IRF2: variants seen among roughly 807,000 people sequenced by gnomAD.
IRF2 encodes interferon regulatory factor 2.
IRF2 carries 15 observed loss-of-function variants against 40.6 expected under a neutral mutation model. The observed-to-expected ratio is 0.37, with a 90% CI of 0.25 to 0.57. The LOEUF is 0.57. Among genes scored for constraint, IRF2 ranks in the 20% least tolerant of loss-of-function variants. The pLI is 0.77. For missense variants in IRF2, 317 were observed against 455.7 expected (o/e 0.70, Z 2.77); for synonymous variants, 151 against 165.5 (o/e 0.91, Z 0.67).
chr4:184,452,314 C>T (rs1289483111), intron 1 of IRF2, among the ~76,000 whole-genome samples: 1 of 152,188 alleles, frequency 6.6e-6, no homozygotes, highest in East Asian at 1.9e-4. Flanking sequence ...CCATAGGCTT[C>T]GGCCCAGGAA....
At chr4:184,456,051 G>T (rs1293091842) in intron 1 of IRF2, among the ~76,000 whole-genome samples, 3 of 152,190 alleles carry the variant, frequency 2.0e-5, no homozygotes, top group African/African-American at 7.2e-5. Flanking sequence ...CTCGAAGCCT[G>T]CCAGGAAGAG....
At chr4:184,389,806 C>T (rs909822817) in intron 8 of IRF2, among the ~76,000 whole-genome samples, 1 of 152,108 alleles carries the variant, frequency 6.6e-6, no homozygotes, top group African/African-American at 2.4e-5. Context: ...TCAACCTGAG[C>T]CAACCTGCAT....
At chr4:184,425,583 G>C (rs565284698) in intron 2 of IRF2, among the ~76,000 whole-genome samples, 1 of 152,370 alleles carries the variant, frequency 6.6e-6, no homozygotes, top group East Asian at 1.9e-4. Flanking sequence ...CATCAGCCTG[G>C]CTCAGGTCCA....
intron 2 of IRF2, among the ~76,000 whole-genome samples, chr4:184,424,443 G>A (rs533417683): frequency 6.6e-6 from 1 of 152,274 alleles, no homozygotes; most frequent in East Asian, 1.9e-4. Context: ...TGAGTCATGA[G>A]GGCCCTGCCC....
intron 1 of IRF2, among the ~76,000 whole-genome samples, chr4:184,456,636 G>T (rs1738946202): frequency 6.6e-6 from 1 of 152,354 alleles, no homozygotes; most frequent in African/African-American, 2.4e-5. Context: ...GGCCCGGTCC[G>T]CCCTCCCTAC....
chr4:184,424,705 T>A (rs1454870439), intron 2 of IRF2, among the ~76,000 whole-genome samples: 1 of 152,200 alleles, frequency 6.6e-6, no homozygotes, highest in Non-Finnish European at 1.5e-5. Context: ...ATTCCTCTTC[T>A]TTACAAATTA....
At chr4:184,407,792 T>C (rs1736912889) in intron 6 of IRF2, among the ~76,000 whole-genome samples, 1 of 152,212 alleles carries the variant, frequency 6.6e-6, no homozygotes, top group Admixed American at 6.5e-5. Flanking sequence ...AAGCAGTTGC[T>C]GAGAGGACTC....
chr4:184,398,421 C>T (rs1736542148), intron 7 of IRF2, among the ~76,000 whole-genome samples: 1 of 152,110 alleles, frequency 6.6e-6, no homozygotes, highest in African/African-American at 2.4e-5. Flanking sequence ...CTTTGGGAGG[C>T]CAAGGTGGGC....
rs753779668 is a variant in IRF2, at chr4:184,418,204, G to A, written c.374C>T (p.Pro125Leu). ...AACTTTGTCTTCTTTTTCTGTCTTTGGTTTCTTTCCTGTGGCAACAAAAAT... is the reference window on the plus strand; with the variant it reads ...AACTTTGTCTTCTTTTTCTGTCTTTAGTTTCTTTCCTGTGGCAACAAAAAT... Reference protein sequence around the residue: ...SERPSKKGKKPKTEKEDKVKH... With the variant: ...SERPSKKGKKLKTEKEDKVKH... Residue 125 changes from proline to leucine, a missense_variant, in exon 5 of 9, where the codon CCA becomes CTA. Coordinates refer to ENST00000393593, the MANE Select transcript of IRF2 (RefSeq NM_002199.4). 3.1e-6 allele frequency: 5 copies of A among 1,613,368 alleles called. No homozygotes were observed. The Admixed American group carries it at 6.7e-5, about 22-fold the overall frequency.
At position 184,413,596 on chromosome 4, in the gene IRF2, G is replaced by A. The variant is rs1250903541; in HGVS notation, c.411+4571C>T. On this transcript the variant is annotated intron_variant, in intron 5 of 8. Transcript: ENST00000393593. The surrounding 1 kb of genome is among the most constrained non-coding windows in gnomAD (Gnocchi z 4.2). ...AACAGCTCTATGAGAAAGAGCAGCC[G>A]AACCCCTATCTGCTTTTCTGTAACT... Among the ~76,000 whole-genome samples, 6 of 152,168 alleles carry A rather than the reference G, an allele frequency of 3.9e-5. No homozygotes were observed. The highest frequency in any genetic ancestry group is 1.9e-4 in the East Asian group (1 of 5,196).
At chr4:184,452,652 T>C (rs2149913554) in intron 1 of IRF2, among the ~76,000 whole-genome samples, 1 of 151,354 alleles carries the variant, frequency 6.6e-6, no homozygotes, top group South Asian at 2.1e-4. Context: ...ACACCTGTAA[T>C]CCCAGCACTT....
intron 7 of IRF2, among the ~76,000 whole-genome samples, chr4:184,397,508 AT>A (rs1299942237): frequency 6.6e-6 from 1 of 151,964 alleles, no homozygotes; most frequent in East Asian, 1.9e-4. Flanking sequence ...ATGTTAATGT[AT>A]TTTACCACAA....
Position 184,408,997 on chromosome 4 carries a change from T to C in IRF2, c.412-722A>G, listed in dbSNP as rs1430664478. ...TTATTGGAGCTCTAAATGTGTGCTT[T>C]TTTTTCAAGTGCACCAGAACCCTCC... is the stretch of plus-strand genomic sequence containing the variant. On this transcript the variant is annotated intron_variant, in intron 5 of 8. Transcript: ENST00000393593. The surrounding 1 kb of genome is among the most constrained non-coding windows in gnomAD (Gnocchi z 4.9). Among the ~76,000 whole-genome samples, 1 of 152,218 alleles carries C rather than the reference T, an allele frequency of 6.6e-6. No homozygotes were observed. Among genetic ancestry groups the C allele is most frequent in the Non-Finnish European group, 1.5e-5 (1 of 68,040 alleles).
At chr4:184,473,533 G>A (rs1296908746) in intron 1 of IRF2, among the ~76,000 whole-genome samples, 1 of 147,798 alleles carries the variant, frequency 6.8e-6, no homozygotes. Flanking sequence ...CCGACCGGGC[G>A]CTGGCCGGCG....
chr4:184,428,384 C>G (rs2149903750), intron 2 of IRF2, among the ~76,000 whole-genome samples: 1 of 152,234 alleles, frequency 6.6e-6, no homozygotes, highest in African/African-American at 2.4e-5. Flanking sequence ...GGTAAGAATC[C>G]TCAAAGAAGC....
intron 1 of IRF2, among the ~76,000 whole-genome samples, chr4:184,454,863 T>C (rs1468806909): frequency 1.3e-5 from 2 of 152,158 alleles, no homozygotes; most frequent in Non-Finnish European, 2.9e-5. Flanking sequence ...CTAGTTTATG[T>C]TAGGAGGAAA....
At chr4:184,473,638 C>T (rs1739611100) in intron 1 of IRF2, among the ~76,000 whole-genome samples, 1 of 148,042 alleles carries the variant, frequency 6.8e-6, no homozygotes, top group African/African-American at 2.4e-5. Context: ...CCCGGCCCGG[C>T]TCCGAGCCCG....
At chr4:184,411,461 T>C (rs1737070195) in intron 5 of IRF2, among the ~76,000 whole-genome samples, 1 of 152,074 alleles carries the variant, frequency 6.6e-6, no homozygotes, top group African/African-American at 2.4e-5. Flanking sequence ...CCAAACACTG[T>C]GTTACTCCCC....
intron 1 of IRF2, among the ~76,000 whole-genome samples, chr4:184,457,820 G>A (rs1383621396): frequency 6.7e-6 from 1 of 149,294 alleles, no homozygotes; most frequent in Non-Finnish European, 1.5e-5. Context: ...ATGCACAGGG[G>A]AAAATGTTCC....
Sources: allele counts gnomAD v4.1 joint callset (sites outside exome capture counted in the v4.1 genomes callset), GRCh38; gene constraint gnomAD v4.1.1; non-coding constraint Gnocchi (gnomAD v3.1); transcripts MANE v1.5; gene names NCBI Gene and HGNC (gene_info 2026-07-23, HGNC 2026-07-21).